PLEKHA2: variants seen among roughly 807,000 people sequenced by gnomAD.
PLEKHA2 encodes the protein pleckstrin homology domain-containing family A member 2.
A neutral mutation model predicts 53.2 loss-of-function variants in PLEKHA2; 28 were observed. The ratio of observed to expected loss-of-function variants is 0.53; its 90% CI spans 0.39 to 0.72. PLEKHA2 has a LOEUF of 0.72. Ranked by LOEUF, PLEKHA2 falls within the 30% of genes least tolerant of loss-of-function variation. PLEKHA2 has a pLI of 0.00. For missense variants in PLEKHA2, 426 were observed against 537.9 expected, an observed-to-expected ratio of 0.79 and a Z score of 2.06; for synonymous variants, 193 against 196.4, an observed-to-expected ratio of 0.98 and a Z score of 0.14.
At chr8:38,935,636 C>T (rs1412958088) in intron 2 of PLEKHA2, among the ~76,000 whole-genome samples, 3 of 152,064 alleles carry the variant, frequency 2.0e-5, no homozygotes, top group Non-Finnish European at 2.9e-5. Context: ...CCAGGCTGGT[C>T]TCAAACTCCT....
intron 9 of PLEKHA2, among the ~76,000 whole-genome samples, chr8:38,953,766 T>C (rs138624765): frequency 4.0e-4 from 61 of 152,344 alleles, no homozygotes; most frequent in African/African-American, 1.3e-3. Context: ...GTCAGATCAC[T>C]GTACTAGTGC....
chr8:38,907,983 A>G (rs988891583), intron 1 of PLEKHA2, among the ~76,000 whole-genome samples: 5 of 151,962 alleles, frequency 3.3e-5, no homozygotes, highest in South Asian at 2.1e-4. Context: ...AGCCTCCCCA[A>G]TAGTTGTGAC....
At chr8:38,927,773 G>T (rs958539503) in intron 2 of PLEKHA2, among the ~76,000 whole-genome samples, 2 of 152,160 alleles carry the variant, frequency 1.3e-5, no homozygotes, top group African/African-American at 4.8e-5. Flanking sequence ...AGTAAATAAT[G>T]TATGTGAGAA....
At chr8:38,918,651 C>CA (rs1834123056) in intron 2 of PLEKHA2, among the ~76,000 whole-genome samples, 2 of 68,714 alleles carry the variant, frequency 2.9e-5, no homozygotes, top group East Asian at 4.9e-4. Flanking sequence ...CACACATACA[C>CA]CATACACACA....
intron 1 of PLEKHA2, among the ~76,000 whole-genome samples, chr8:38,903,821 G>T (rs1037066502): frequency 6.6e-6 from 1 of 152,254 alleles, no homozygotes; most frequent in Non-Finnish European, 1.5e-5. Flanking sequence ...GACTTATTCC[G>T]GTTGTGATAG....
intron 9 of PLEKHA2, among the ~76,000 whole-genome samples, 195 bp downstream of exon 9, chr8:38,953,562 C>A (rs1834885447): frequency 6.6e-6 from 1 of 152,166 alleles, no homozygotes; most frequent in Non-Finnish European, 1.5e-5. Context: ...CACTTGCCCT[C>A]TTCCCATACC....
At chr8:38,907,672 G>A (rs1413965046) in intron 1 of PLEKHA2, among the ~76,000 whole-genome samples, 1 of 150,976 alleles carries the variant, frequency 6.6e-6, no homozygotes, top group Non-Finnish European at 1.5e-5. Context: ...GAGGTGGGAG[G>A]ATCGCATGAG....
At chr8:38,909,747 G>A (rs1179250764) in intron 1 of PLEKHA2, among the ~76,000 whole-genome samples, 1 of 152,054 alleles carries the variant, frequency 6.6e-6, no homozygotes, top group Non-Finnish European at 1.5e-5. Flanking sequence ...GGCAGGTGTC[G>A]GCCAGGAATC....
Position 38,969,455 on chromosome 8 carries a change from G to A in PLEKHA2, c.950G>A (p.Arg317Gln), listed in dbSNP as rs748542816. Residue 317 changes from arginine to glutamine, a missense_variant, in exon 12 of 12, where the codon CGA becomes CAA. Coordinates refer to ENST00000617275, the MANE Select transcript of PLEKHA2 (RefSeq NM_021623.2). ...TTTTCTAGATCCATTTCTTTGACCC[G>A]ACCTGGAAGCTCCAGCCTTTCAAGT... ...TSFSRSISLT[R>Q]PGSSSLSSGP... is the part of the protein sequence containing the mutation. 13 of 1,613,288 alleles carry A rather than the reference G, an allele frequency of 8.1e-6. No homozygotes were observed. Among genetic ancestry groups the A allele is most frequent in the Admixed American group, 3.3e-5 (2 of 59,868 alleles).
Position 38,950,940 on chromosome 8 carries a change from T to A in PLEKHA2, c.436T>A (p.Tyr146Asn). Reference sequence around the variant, plus strand: ...CCTGGAGAAGAAGCCACAGGTGGCCTACAAGACGGAGATCATTGGAGGGGT... The same window carrying A: ...CCTGGAGAAGAAGCCACAGGTGGCCAACAAGACGGAGATCATTGGAGGGGT... ...PALEKKPQVA[Y>N]KTEIIGGVVV... is the part of the protein sequence containing the mutation. The change falls in exon 6 of 12, where the codon TAC becomes AAC. Residue 146 changes from tyrosine (Y) to asparagine (N), a missense_variant. Transcript: ENST00000617275. 1 of 1,613,958 alleles carries A rather than the reference T, an allele frequency of 6.2e-7. No homozygotes were observed. The highest frequency in any genetic ancestry group is 8.5e-7 in the Non-Finnish European group (1 of 1,179,878).
chr8:38,952,549 TG>T, intron 7 of PLEKHA2, 86 bp from the exon 8 acceptor site: 1 of 1,446,864 alleles, frequency 6.9e-7, no homozygotes, highest in South Asian at 1.2e-5. Flanking sequence ...TCCATGGGGC[TG>T]GGTCCTTGGG....
Position 38,967,244 on chromosome 8 carries a change from A to G in PLEKHA2, c.838-1348A>G, listed in dbSNP as rs185430409. On this transcript the variant is annotated intron_variant, in intron 10 of 11. Coordinates refer to ENST00000617275, the MANE Select transcript of PLEKHA2 (RefSeq NM_021623.2). ...CCTTACTATTGTGAATATTGCTGCA[A>G]TAAACACAAGGGTGCAGGTATCTTT... Among the ~76,000 whole-genome samples, 390 of 152,340 alleles carry G rather than the reference A, an allele frequency of 2.6e-3. 1 individual carries two copies. The highest frequency in any genetic ancestry group is 8.9e-3 in the African/African-American group (368 of 41,576).
intron 2 of PLEKHA2, among the ~76,000 whole-genome samples, chr8:38,923,947 C>T (rs918345427): frequency 6.6e-6 from 1 of 152,122 alleles, no homozygotes; most frequent in African/African-American, 2.4e-5. Flanking sequence ...CGCCTCCCAG[C>T]TTAAAGAAAT....
chr8:38,904,420 G>T (rs921769206), intron 1 of PLEKHA2, among the ~76,000 whole-genome samples: 3 of 152,206 alleles, frequency 2.0e-5, no homozygotes, highest in Non-Finnish European at 4.4e-5. Flanking sequence ...GGGTCCTCTT[G>T]TCCTTATGCT....
chr8:38,926,933 C>G (rs1161012159), intron 2 of PLEKHA2, among the ~76,000 whole-genome samples: 1 of 152,074 alleles, frequency 6.6e-6, no homozygotes, highest in Non-Finnish European at 1.5e-5. Context: ...ACCAACCAAC[C>G]AAACAAACAA....
chr8:38,948,259 G>A (rs1426783525), intron 5 of PLEKHA2, among the ~76,000 whole-genome samples: 1 of 152,154 alleles, frequency 6.6e-6, no homozygotes, highest in African/African-American at 2.4e-5. Flanking sequence ...CTCACAGAAA[G>A]TGAGAAAGAG....
At chr8:38,929,184 C>T (rs571728671) in intron 2 of PLEKHA2, among the ~76,000 whole-genome samples, 3 of 152,324 alleles carry the variant, frequency 2.0e-5, no homozygotes, top group African/African-American at 4.8e-5. Context: ...TTACCAGGGG[C>T]GTCCCCTCCC....
intron 2 of PLEKHA2, among the ~76,000 whole-genome samples, chr8:38,935,137 C>T (rs568183492): frequency 6.6e-6 from 1 of 152,124 alleles, no homozygotes; most frequent in Non-Finnish European, 1.5e-5. Context: ...CCTCAGCTTC[C>T]CAAGTAGGTG....
Position 38,969,834 on chromosome 8 carries a change from G to A in PLEKHA2, c.*51G>A, listed in dbSNP as rs547513184. On this transcript the variant is annotated 3_prime_UTR_variant, in exon 12 of 12. Coordinates refer to ENST00000617275, the MANE Select transcript of PLEKHA2 (RefSeq NM_021623.2). ...GGAGGGAGGGAGGACTTGAGAGAAG[G>A]AGGCTGTGACTCAGTTTCTCTACCT... The A allele has an allele frequency of 5.6e-5, 86 of 1,540,066 alleles. No homozygotes were observed. In the African/African-American group the frequency reaches 1.1e-3, roughly 20 times the overall value.
Sources: allele counts gnomAD v4.1 joint callset (sites outside exome capture counted in the v4.1 genomes callset), GRCh38; gene constraint gnomAD v4.1.1; transcripts MANE v1.5; gene names NCBI Gene and HGNC (gene_info 2026-07-23, HGNC 2026-07-21).